Variants in HLCS observed in about 807,000 individuals in gnomAD.
HLCS encodes the protein holocarboxylase synthetase.
Under a neutral mutation model 75.0 loss-of-function variants are expected in HLCS, and 53 were observed. That is an observed-to-expected ratio of 0.71 (90% confidence interval 0.57 to 0.89). The LOEUF (loss-of-function observed/expected upper bound fraction) is 0.89. Ranked by LOEUF, HLCS falls within the 40% of genes least tolerant of loss-of-function variation. The pLI, the probability that HLCS is intolerant of heterozygous loss-of-function variation, is 0.00. For missense variants in HLCS, 966 were observed against 1,074.0 expected, an observed-to-expected ratio of 0.90 and a Z score of 1.41; for synonymous variants, 431 against 428.6, an observed-to-expected ratio of 1.01 and a Z score of -0.07.
intron 5 of HLCS, among the ~76,000 whole-genome samples, chr21:36,910,343 G>A (rs1001639399): frequency 6.6e-6 from 1 of 152,100 alleles, no homozygotes; most frequent in Non-Finnish European, 1.5e-5. Context: ...TCAGGAGTTT[G>A]AGACCAGCCT....
At chr21:36,876,820 G>A (rs548719862) in intron 6 of HLCS, among the ~76,000 whole-genome samples, 2 of 152,338 alleles carry the variant, frequency 1.3e-5, no homozygotes, top group African/African-American at 2.4e-5. Context: ...TTTTTGGTTA[G>A]CTGTTCCATC....
chr21:36,891,330 A>G lies in HLCS; in HGVS notation c.1892+5530T>C, dbSNP rs73214730. Among the ~76,000 whole-genome samples, 4 of 152,206 alleles carry G rather than the reference A, an allele frequency of 2.6e-5. No individual in the cohort carries two copies. In the East Asian group the frequency reaches 7.7e-4, roughly 29 times the overall value. On this transcript the variant is annotated intron_variant, in intron 6 of 10. Transcript: ENST00000674895. ...TCCCATCTCAGCCTATCTCATTTGC[A>G]GGAGAGAAAAGTAAACTTCCATCCT...
rs2089451422 is a variant in HLCS at position 36,753,801 on chromosome 21, C to T, written c.*445G>A. The T allele has an allele frequency of 3.8e-6, 1 of 261,626 alleles. No homozygotes were observed. 16.2% of individuals were successfully genotyped at this position (261,626 alleles called of 1,614,324 possible). A position where few individuals can be genotyped will look rare whatever the true frequency, so the allele number is the denominator to read the frequency against. On this transcript the variant is annotated 3_prime_UTR_variant, in exon 11 of 11. Transcript: ENST00000674895. The surrounding 1 kb of genome is among the most constrained non-coding windows in gnomAD (Gnocchi z 4.3). ...AGCATGTTCTTACAGTTCAGTACCT[C>T]CCCAGATGCTTACAAACAGTGATAG... is the stretch of plus-strand genomic sequence containing the variant.
chr21:36,785,123 C>G (rs1371756346), intron 6 of HLCS, among the ~76,000 whole-genome samples: 1 of 152,076 alleles, frequency 6.6e-6, no homozygotes, highest in Non-Finnish European at 1.5e-5. Context: ...ACCAGTGTGC[C>G]TTTCACCACC....
At chr21:36,819,704 C>T (rs1295739226) in intron 6 of HLCS, among the ~76,000 whole-genome samples, 2 of 152,030 alleles carry the variant, frequency 1.3e-5, no homozygotes, top group Admixed American at 6.5e-5. Context: ...TCAGAGAGGG[C>T]GAGTCAGGTG....
rs1356724748 is a variant in HLCS at position 36,966,625 on chromosome 21, A to G, written c.14T>C (p.Leu5Pro). 1 of 982,362 alleles carries G rather than the reference A, an allele frequency of 1.0e-6. No individual in the cohort carries two copies. The allele number at this position is 982,362 out of a possible 1,614,324, so 60.9% of individuals were successfully genotyped here. A position where few individuals can be genotyped will look rare whatever the true frequency, so the allele number is the denominator to read the frequency against. Residue 5 changes from leucine (L) to proline (P), a missense_variant, in exon 1 of 11, where the codon CTG becomes CCG. Coordinates refer to ENST00000674895, the MANE Select transcript of HLCS (RefSeq NM_001352514.2). ...GCGCGCCCACAGGTACAGGTAGCAC[A>G]GCGTGATGAGCATGGCCGCGCCGCC... MLITLCYLYLWARWG... is the reference protein window; with the variant it reads MLITPCYLYLWARWG...
chr21:36,810,442 G>A (rs751744459), intron 6 of HLCS, among the ~76,000 whole-genome samples: 1 of 152,112 alleles, frequency 6.6e-6, no homozygotes, highest in Non-Finnish European at 1.5e-5. Context: ...TTTCTTCTAG[G>A]AGTCCCTCTC....
chr21:36,917,237 T>C (rs374399466), intron 5 of HLCS, among the ~76,000 whole-genome samples: 1 of 152,288 alleles, frequency 6.6e-6, no homozygotes, highest in East Asian at 1.9e-4. Context: ...ACAGCCTTCA[T>C]AAAGAATCAA....
intron 6 of HLCS, among the ~76,000 whole-genome samples, chr21:36,874,312 G>A (rs1308392543): frequency 1.3e-5 from 2 of 151,868 alleles, no homozygotes; most frequent in African/African-American, 4.8e-5. Flanking sequence ...TGAGGCAGGA[G>A]AATGGCATGA....
intron 6 of HLCS, among the ~76,000 whole-genome samples, chr21:36,845,289 C>T (rs74929956): frequency 6.1e-4 from 93 of 152,176 alleles, no homozygotes; most frequent in Admixed American, 1.6e-3. Flanking sequence ...TGAGGAATCC[C>T]GAATACTGGG....
chr21:36,872,496 G>A (rs2063807776), intron 6 of HLCS, among the ~76,000 whole-genome samples: 1 of 151,726 alleles, frequency 6.6e-6, no homozygotes, highest in Non-Finnish European at 1.5e-5. Flanking sequence ...GCTGGGTTTT[G>A]ACAAATGTGT....
chr21:36,819,712 G>A (rs1320248758), intron 6 of HLCS, among the ~76,000 whole-genome samples: 1 of 152,096 alleles, frequency 6.6e-6, no homozygotes, highest in Non-Finnish European at 1.5e-5. Flanking sequence ...GGCGAGTCAG[G>A]TGTTAAAGGC....
At chr21:36,954,533 G>A (rs375526077) in intron 2 of HLCS, among the ~76,000 whole-genome samples, 5 of 146,334 alleles carry the variant, frequency 3.4e-5, no homozygotes, top group Admixed American at 6.8e-5. Context: ...GGAGAATGGC[G>A]TGAACCTGGG....
Position 36,752,446 on chromosome 21 carries a change from T to C in HLCS, c.*1800A>G, listed in dbSNP as rs1396374173. 2 of 152,552 alleles carry C rather than the reference T, an allele frequency of 1.3e-5. No homozygotes were observed. The highest frequency in any genetic ancestry group is 4.8e-5 in the African/African-American group (2 of 41,450). The allele number at this position is 152,552 out of a possible 1,614,324, so 9.4% of individuals were successfully genotyped here. On this transcript the variant is annotated 3_prime_UTR_variant, in exon 11 of 11. Transcript: ENST00000674895. Reference sequence around the variant, plus strand: ...TGGCAGCTCTGAGAGAGGGCTTGCCTTATATTACAAAGTCTGAGAAATGAA... The same window carrying C: ...TGGCAGCTCTGAGAGAGGGCTTGCCCTATATTACAAAGTCTGAGAAATGAA...
intron 6 of HLCS, among the ~76,000 whole-genome samples, chr21:36,828,482 CTT>C (rs1013864415): frequency 7.9e-5 from 12 of 152,108 alleles, no homozygotes; most frequent in Admixed American, 6.6e-4. Flanking sequence ...GAACAAAACT[CTT>C]TTTTTCCTTT....
intron 5 of HLCS, among the ~76,000 whole-genome samples, chr21:36,902,042 G>A (rs189322417): frequency 3.3e-5 from 5 of 152,278 alleles, no homozygotes; most frequent in Non-Finnish European, 5.9e-5. Context: ...TGACAGTGCC[G>A]TGGGGAGAGG....
chr21:36,949,334 G>A (rs1601847436), intron 2 of HLCS, among the ~76,000 whole-genome samples: 7 of 152,330 alleles, frequency 4.6e-5, no homozygotes, highest in African/African-American at 4.8e-5. Flanking sequence ...CTGTCACTGA[G>A]CTGGAGCTGC....
chr21:36,900,194 A>G (rs998921712), intron 5 of HLCS, among the ~76,000 whole-genome samples: 7 of 152,214 alleles, frequency 4.6e-5, no homozygotes, highest in Admixed American at 1.3e-4. Flanking sequence ...TAACACGTAC[A>G]AAGGAGGGAC....
intron 6 of HLCS, among the ~76,000 whole-genome samples, chr21:36,830,392 G>A (rs2062162001): frequency 6.6e-6 from 1 of 152,196 alleles, no homozygotes; most frequent in African/African-American, 2.4e-5. Flanking sequence ...AAAGCTCTGC[G>A]AGGAATGCGT....
Sources: gnomAD v4.1 joint callset for allele counts (sites outside exome capture counted in the v4.1 genomes callset) on GRCh38, gnomAD v4.1.1 for gene constraint, Gnocchi (gnomAD v3.1) non-coding constraint, MANE v1.5 for transcripts, NCBI Gene and HGNC (gene_info 2026-07-23, HGNC 2026-07-21) for gene names.